Variants in HK2 observed in about 807,000 individuals in gnomAD.
HK2 encodes the protein hexokinase 2.
A neutral mutation model predicts 92.9 loss-of-function variants in HK2; 42 were observed. The observed-to-expected ratio is 0.45, with a 90% CI of 0.35 to 0.58. HK2 has a LOEUF of 0.58. Among genes scored for constraint, HK2 ranks in the 20% least tolerant of loss-of-function variants. The pLI, the probability that HK2 is intolerant of heterozygous loss-of-function variation, is 0.00. For synonymous variants in HK2, 422 were observed against 468.0 expected, an observed-to-expected ratio of 0.90 and a Z score of 1.27; for missense variants, 978 against 1,245.1, an observed-to-expected ratio of 0.79 and a Z score of 3.23.
intron 1 of HK2, among the ~76,000 whole-genome samples, chr2:74,844,409 T>C (rs559596754): frequency 3.3e-5 from 5 of 152,320 alleles, no homozygotes; most frequent in African/African-American, 1.2e-4. Flanking sequence ...GGGGATGCCC[T>C]AATTGTCCAA....
At chr2:74,854,623 G>A (rs940102470) in intron 2 of HK2, among the ~76,000 whole-genome samples, 168 bp downstream of exon 2, 1 of 152,220 alleles carries the variant, frequency 6.6e-6, no homozygotes, top group Admixed American at 6.5e-5. Context: ...GGAAGCTTGG[G>A]AAAAGCTGGC....
chr2:74,882,378 C>T, intron 12 of HK2, 139 bp downstream of exon 12: 1 of 1,279,444 alleles, frequency 7.8e-7, no homozygotes, highest in Non-Finnish European at 1.1e-6. Context: ...GGAGGGGCTC[C>T]TTGATGGGAA....
chr2:74,889,548 C>G (rs760462839), intron 17 of HK2, 70 bp downstream of exon 17: 2 of 1,049,038 alleles, frequency 1.9e-6, no homozygotes, highest in Non-Finnish European at 2.9e-6. Flanking sequence ...TTCTTTCTCT[C>G]TTTCCTTTGT....
intron 12 of HK2, among the ~76,000 whole-genome samples, chr2:74,883,622 G>T (rs1483829056): frequency 6.6e-6 from 1 of 152,178 alleles, no homozygotes; most frequent in Non-Finnish European, 1.5e-5. Flanking sequence ...TTATCTGAGA[G>T]AATTCCCCAT....
intron 13 of HK2, 34 bp from the exon 14 acceptor site, chr2:74,886,260 C>T (rs374120634): frequency 1.8e-5 from 27 of 1,499,378 alleles, no homozygotes; most frequent in Middle Eastern, 1.8e-4. Flanking sequence ...TTGGGGTTCA[C>T]CTGTGAACTG....
chr2:74,844,919 A>C (rs897598318), intron 1 of HK2, among the ~76,000 whole-genome samples: 1 of 152,198 alleles, frequency 6.6e-6, no homozygotes, highest in Non-Finnish European at 1.5e-5. Flanking sequence ...CTTGTGTATA[A>C]CTATAACAAA....
chr2:74,838,537 AT>A (rs1278313162), intron 1 of HK2, among the ~76,000 whole-genome samples: 19,253 of 126,448 alleles, frequency 0.15, 1,039 homozygotes, highest in Middle Eastern at 0.25. Flanking sequence ...GATTCTTTCT[AT>A]TTTTTTTTTT....
intron 3 of HK2, chr2:74,868,042 T>C (rs1283655936): frequency 1.3e-5 from 6 of 461,060 alleles, no homozygotes; most frequent in Non-Finnish European, 2.4e-5. Flanking sequence ...TGTTCAGTGT[T>C]GTCACATCTC....
At chr2:74,854,573 A>G in intron 2 of HK2, 118 bp downstream of exon 2, 2 of 1,075,726 alleles carry the variant, frequency 1.9e-6, no homozygotes, top group Middle Eastern at 2.6e-4. Flanking sequence ...TAAGGGAAGC[A>G]TCCAGGGAAT....
intron 3 of HK2, among the ~76,000 whole-genome samples, chr2:74,870,557 T>C (rs1031877251): frequency 3.4e-4 from 39 of 114,400 alleles, no homozygotes; most frequent in African/African-American, 2.6e-3. Context: ...CATCTCCCTT[T>C]TTTTTTTTTT....
intron 1 of HK2, chr2:74,835,152 G>A (rs1688127202): frequency 1.6e-5 from 3 of 190,986 alleles, no homozygotes; most frequent in African/African-American, 7.2e-5. Flanking sequence ...CTGCGGGGGT[G>A]GGCTCGAGGA....
At chr2:74,845,603 G>A (rs1302920940) in intron 1 of HK2, among the ~76,000 whole-genome samples, 1 of 152,248 alleles carries the variant, frequency 6.6e-6, no homozygotes, top group African/African-American at 2.4e-5. Flanking sequence ...TGGCCCGTAT[G>A]CCTCCCTGGT....
In HK2 at chr2:74,890,995, A is replaced by T. The variant is rs1689664750; in HGVS notation, c.*54A>T. The stretch of plus-strand genomic sequence containing the variant: ...TTTCTCTCCTTCTTCCCTGTTTTAA[A>T]TTATAAGATGTCATCCCCTTGTGTC... On this transcript the variant is annotated 3_prime_UTR_variant, in exon 18 of 18. Transcript: ENST00000290573. The T allele has an allele frequency of 6.3e-7, 1 of 1,594,766 alleles. No individual in the cohort carries two copies. The highest frequency in any genetic ancestry group is 1.3e-5 in the African/African-American group (1 of 74,772).
intron 7 of HK2, among the ~76,000 whole-genome samples, chr2:74,876,668 G>T (rs550020604): frequency 6.6e-6 from 1 of 152,144 alleles, no homozygotes; most frequent in Admixed American, 6.5e-5. Flanking sequence ...CCCTGCCCCA[G>T]GTGGTTTTCA....
chr2:74,875,327 G>GTT (rs61418530), intron 7 of HK2, among the ~76,000 whole-genome samples: 4,161 of 112,028 alleles, frequency 0.037, 318 homozygotes, highest in African/African-American at 0.093. Context: ...CCTTGCTTTC[G>GTT]TTTTTTTTTT....
intron 2 of HK2, among the ~76,000 whole-genome samples, chr2:74,862,292 C>T (rs1236926159): frequency 6.6e-6 from 1 of 152,222 alleles, no homozygotes; most frequent in African/African-American, 2.4e-5. Context: ...TTAAGCACAC[C>T]ACCAGTGGCA....
At chr2:74,870,785 A>C (rs1390778938) in intron 3 of HK2, among the ~76,000 whole-genome samples, 1 of 152,148 alleles carries the variant, frequency 6.6e-6, no homozygotes, top group Admixed American at 6.5e-5. Context: ...TCCCCATGGC[A>C]AGAGAGCCTT....
intron 13 of HK2, among the ~76,000 whole-genome samples, chr2:74,885,923 A>G (rs4852348): frequency 0.59 from 89,627 of 151,026 alleles, 26,725 homozygotes; most frequent in Middle Eastern, 0.76. Context: ...CATAAGCAAA[A>G]CAGCCATGAG....
At chr2:74,885,184 A>G (rs1689492471) in intron 12 of HK2, among the ~76,000 whole-genome samples, 1 of 152,188 alleles carries the variant, frequency 6.6e-6, no homozygotes, top group Non-Finnish European at 1.5e-5. Flanking sequence ...GTAGGCCTTG[A>G]GCAAGTCACT....
Sources: gnomAD v4.1 joint callset for allele counts (sites outside exome capture counted in the v4.1 genomes callset) on GRCh38, gnomAD v4.1.1 for gene constraint, MANE v1.5 for transcripts, NCBI Gene and HGNC (gene_info 2026-07-23, HGNC 2026-07-21) for gene names.